Variants in PLEKHM3 observed in about 807,000 individuals in gnomAD.
The protein encoded by PLEKHM3 is pleckstrin homology domain containing M3.
Under a neutral mutation model 81.8 loss-of-function variants are expected in PLEKHM3, and 45 were observed. That is an observed-to-expected ratio of 0.55 (90% CI 0.43 to 0.71). The LOEUF is 0.71. Ranked by LOEUF, PLEKHM3 falls within the 30% of genes least tolerant of loss-of-function variation. PLEKHM3 has a pLI of 0.00. For synonymous variants in PLEKHM3, 352 were observed against 356.4 expected (o/e 0.99, Z 0.14); for missense variants, 788 against 924.3 (o/e 0.85, Z 1.91).
At chr2:207,859,763 AATTTTTGT>A (rs2092457223) in intron 7 of PLEKHM3, among the ~76,000 whole-genome samples, 1 of 151,634 alleles carries the variant, frequency 6.6e-6, no homozygotes, top group South Asian at 2.1e-4. Flanking sequence ...ATGCCCGGCT[AATTTTTGT>A]ATCTTTAGTA....
intron 6 of PLEKHM3, among the ~76,000 whole-genome samples, chr2:207,863,948 CTA>C (rs1175292372): frequency 1.3e-5 from 2 of 150,874 alleles, no homozygotes; most frequent in Non-Finnish European, 3.0e-5. Flanking sequence ...AAAAACACAA[CTA>C]TATACAAAGT....
rs368963047 is a variant in PLEKHM3, at chr2:207,963,726, ACTAG to A, written c.1546+12921_1546+12924del. On this transcript the variant is annotated intron_variant, in intron 3 of 7. Transcript: ENST00000427836. ...CGGGCTAACTCCTTCCTTTCTTTAT[ACTAG>A]CCACCAGGTAGACCCTGTTAGAACA... is the stretch of plus-strand genomic sequence containing the variant. Among the ~76,000 whole-genome samples, 55 of 152,352 alleles carry A rather than the reference ACTAG, an allele frequency of 3.6e-4. No individual in the cohort carries two copies. The South Asian group carries it at 0.011, about 32-fold the overall frequency.
In PLEKHM3 at chr2:207,889,251, C is replaced by T. The variant is rs758578564; in HGVS notation, c.1950+19263G>A. ...AGACAAGGCCCTGCTATGGTGGGGC[C>T]GTGACTTCCTATTGAAAGGCCAAGG... On this transcript the variant is annotated intron_variant, in intron 6 of 7. Transcript: ENST00000427836. Among the ~76,000 whole-genome samples the T allele has an allele frequency of 5.9e-5, 9 of 152,136 alleles. No homozygotes were observed. The South Asian group carries it at 8.3e-4, about 14-fold the overall frequency.
chr2:207,900,434 C>A (rs1028325840), intron 6 of PLEKHM3: 3 of 152,226 alleles, frequency 2.0e-5, no homozygotes, highest in African/African-American at 7.2e-5. Context: ...AGTCACAGAC[C>A]TGCCCAAATT....
At chr2:207,895,565 G>T (rs1303623886) in intron 6 of PLEKHM3, among the ~76,000 whole-genome samples, 1 of 152,068 alleles carries the variant, frequency 6.6e-6, no homozygotes, top group Non-Finnish European at 1.5e-5. Flanking sequence ...CCCTTATGGT[G>T]CCCCATTCCC....
intron 6 of PLEKHM3, among the ~76,000 whole-genome samples, chr2:207,882,333 C>T (rs1255524491): frequency 2.0e-5 from 3 of 149,940 alleles, no homozygotes; most frequent in Non-Finnish European, 3.0e-5. Context: ...CTGGGTTGGC[C>T]GGATGCGGTG....
chr2:207,949,938 G>A (rs1203056243), intron 3 of PLEKHM3, among the ~76,000 whole-genome samples: 1 of 152,108 alleles, frequency 6.6e-6, no homozygotes, highest in Non-Finnish European at 1.5e-5. Flanking sequence ...ACACAAACAT[G>A]CATTTTAAGA....
chr2:207,995,770 G>C (rs1692099752), intron 2 of PLEKHM3, among the ~76,000 whole-genome samples: 1 of 152,122 alleles, frequency 6.6e-6, no homozygotes. Context: ...CTCACCCTGA[G>C]AATAAACACA....
chr2:207,900,879 T>C (rs757168897), intron 6 of PLEKHM3: 4 of 185,258 alleles, frequency 2.2e-5, no homozygotes, highest in Non-Finnish European at 4.4e-5. Context: ...TTTAAGTAAA[T>C]GTTCTTTGAA....
intron 2 of PLEKHM3, among the ~76,000 whole-genome samples, chr2:207,990,780 C>T (rs552100708): frequency 5.9e-5 from 9 of 152,120 alleles, no homozygotes; most frequent in Non-Finnish European, 1.2e-4. Flanking sequence ...CAAATTTGTT[C>T]TGGTAGAAAT....
chr2:207,976,615 C>A lies in PLEKHM3; in HGVS notation c.1546+36G>T, dbSNP rs752327160. ...TCCAATTGTGGGGTTCAGGATTGTT[C>A]TTTAATGAGCTATAGGCTGAAAATC... On this transcript the variant is annotated intron_variant, in intron 3 of 7. Coordinates refer to ENST00000427836, the MANE Select transcript of PLEKHM3 (RefSeq NM_001080475.3). The surrounding 1 kb of genome is among the most constrained non-coding windows in gnomAD (Gnocchi z 4.1). 2.5e-6 allele frequency: 4 copies of A among 1,572,684 alleles called. No homozygotes were observed. Among genetic ancestry groups the A allele is most frequent in the Middle Eastern group, 1.7e-4 (1 of 5,852 alleles).
intron 5 of PLEKHM3, among the ~76,000 whole-genome samples, chr2:207,914,217 C>T (rs989121513): frequency 4.0e-5 from 6 of 151,558 alleles, no homozygotes; most frequent in East Asian, 3.9e-4. Context: ...GCTGGGGGGC[C>T]GGGTGCCGTG....
chr2:207,875,223 A>G (rs1295902842), intron 6 of PLEKHM3, among the ~76,000 whole-genome samples: 1 of 152,202 alleles, frequency 6.6e-6, no homozygotes, highest in East Asian at 1.9e-4. Context: ...GAAAAGACCA[A>G]TGTTATAACT....
intron 6 of PLEKHM3, among the ~76,000 whole-genome samples, chr2:207,908,064 A>G (rs1688676344): frequency 6.6e-6 from 1 of 152,232 alleles, no homozygotes; most frequent in Admixed American, 6.5e-5. Flanking sequence ...ATATGGCTAC[A>G]ACACATTTTG....
chr2:207,823,039 G>A lies in PLEKHM3; in HGVS notation c.*5280C>T, dbSNP rs2092228153. On this transcript the variant is annotated 3_prime_UTR_variant, in exon 8 of 8. Coordinates refer to ENST00000427836, the MANE Select transcript of PLEKHM3 (RefSeq NM_001080475.3). ...GAGGGAGCCCTCCTAAGAGTTAGGA[G>A]TTGCTGTGAGTTGCTGTAGGTGCCT... 1 of 152,264 alleles carries A rather than the reference G, an allele frequency of 6.6e-6. No homozygotes were observed. The highest frequency in any genetic ancestry group is 1.9e-4 in the East Asian group (1 of 5,196). The allele number at this position is 152,264 out of a possible 1,614,324, so 9.4% of individuals were successfully genotyped here.
rs374530775 is a variant in PLEKHM3, at chr2:207,880,142, C to G, written c.1951-18880G>C. Among the ~76,000 whole-genome samples the G allele has an allele frequency of 5.3e-5, 8 of 152,204 alleles. No homozygotes were observed. The East Asian group carries it at 1.5e-3, about 29-fold the overall frequency. On this transcript the variant is annotated intron_variant, in intron 6 of 7. Coordinates refer to ENST00000427836, the MANE Select transcript of PLEKHM3 (RefSeq NM_001080475.3). ...ACAATTCAGGCCGGGCATGGTGGCT[C>G]ACACCTGCAATCTCAGCACTTAGGG...
intron 1 of PLEKHM3, among the ~76,000 whole-genome samples, chr2:208,017,299 G>T (rs1289564209): frequency 6.6e-6 from 1 of 152,178 alleles, no homozygotes; most frequent in Non-Finnish European, 1.5e-5. Flanking sequence ...CAGTGTACAG[G>T]ATGCCCACTG....
rs892829492 is a variant in PLEKHM3 at position 207,834,529 on chromosome 2, A to T, written c.2109-6033T>A. Among the ~76,000 whole-genome samples, 4 of 149,030 alleles carry T rather than the reference A, an allele frequency of 2.7e-5. No individual in the cohort carries two copies. In the Admixed American group the frequency reaches 2.7e-4, roughly 10 times the overall value. On this transcript the variant is annotated intron_variant, in intron 7 of 7. Transcript: ENST00000427836. ...CAACCTCCACCTCCTGGGTTCAAGC[A>T]ATTCTCCTGCCTCAGCCTCCCAACT...
At chr2:207,901,214 T>C in intron 6 of PLEKHM3, 1 of 702,406 alleles carries the variant, frequency 1.4e-6, no homozygotes, top group Non-Finnish European at 2.6e-6. Context: ...ACTTTGTCCT[T>C]AGTGCCGCAC....
Sources: allele counts gnomAD v4.1 joint callset (sites outside exome capture counted in the v4.1 genomes callset), GRCh38; gene constraint gnomAD v4.1.1; non-coding constraint Gnocchi (gnomAD v3.1); transcripts MANE v1.5; gene names NCBI Gene and HGNC (gene_info 2026-07-23, HGNC 2026-07-21).